The following F13A1 variants were observed in gnomAD, a reference collection of about 807,000 sequenced individuals.
The protein encoded by F13A1 is FSF, A subunit.
A neutral mutation model predicts 80.1 loss-of-function variants in F13A1; 47 were observed. The ratio of observed to expected loss-of-function variants is 0.59; its 90% confidence interval spans 0.46 to 0.75. The LOEUF (loss-of-function observed/expected upper bound fraction) is 0.75. F13A1 is among the 30% of genes least tolerant of loss of function. The pLI, the probability that F13A1 is intolerant of heterozygous loss-of-function variation, is 0.00. For missense variants in F13A1, 817 were observed against 930.4 expected (o/e 0.88, Z 1.59); for synonymous variants, 349 against 344.9 (o/e 1.01, Z -0.13).
At chr6:6,294,613 C>T (rs1003983547) in intron 3 of F13A1, among the ~76,000 whole-genome samples, 2 of 151,680 alleles carry the variant, frequency 1.3e-5, no homozygotes, top group African/African-American at 4.9e-5. Context: ...TAGGTCTGTC[C>T]CTCAAGAGAA....
chr6:6,247,815 A>C (rs1019531875), intron 6 of F13A1, among the ~76,000 whole-genome samples: 1 of 152,196 alleles, frequency 6.6e-6, no homozygotes, highest in African/African-American at 2.4e-5. Flanking sequence ...GCAAAGAATC[A>C]ATACCCACTT....
intron 3 of F13A1, among the ~76,000 whole-genome samples, chr6:6,302,687 T>C (rs1421307500): frequency 3.7e-5 from 5 of 136,972 alleles, no homozygotes; most frequent in Admixed American, 7.1e-5. Context: ...ACTATAAACT[T>C]AGGCTACAGT....
chr6:6,244,295 C>T (rs1001475873), intron 6 of F13A1, among the ~76,000 whole-genome samples: 11 of 152,202 alleles, frequency 7.2e-5, no homozygotes, highest in African/African-American at 2.7e-4. Context: ...AGCAATCAAG[C>T]AATGCAATTT....
At chr6:6,255,752 T>G (rs1210193968) in intron 4 of F13A1, among the ~76,000 whole-genome samples, 2 of 152,112 alleles carry the variant, frequency 1.3e-5, no homozygotes, top group Admixed American at 1.3e-4. Context: ...AAATCTCACC[T>G]CAAACAGGCA....
At chr6:6,218,340 C>T (rs1757133890) in intron 8 of F13A1, among the ~76,000 whole-genome samples, 1 of 152,214 alleles carries the variant, frequency 6.6e-6, no homozygotes, top group Admixed American at 6.5e-5. Context: ...TCCCTCCTCA[C>T]TGAGCCCTCG....
chr6:6,211,831 C>A (rs546987569), intron 8 of F13A1, among the ~76,000 whole-genome samples: 1 of 152,172 alleles, frequency 6.6e-6, no homozygotes, highest in Non-Finnish European at 1.5e-5. Context: ...GCACCATGCG[C>A]GAGCCAAAGC....
At chr6:6,235,644 G>C (rs576330254) in intron 6 of F13A1, among the ~76,000 whole-genome samples, 1 of 151,982 alleles carries the variant, frequency 6.6e-6, no homozygotes, top group Non-Finnish European at 1.5e-5. Flanking sequence ...TGAAGTGTCC[G>C]GGAGGATATG....
intron 8 of F13A1, among the ~76,000 whole-genome samples, chr6:6,198,066 GC>G (rs1455431384): frequency 1.3e-5 from 2 of 152,126 alleles, no homozygotes; most frequent in Admixed American, 1.3e-4. Flanking sequence ...TAGCAATTAA[GC>G]AAAAAATACT....
intron 4 of F13A1, among the ~76,000 whole-genome samples, chr6:6,251,914 G>A (rs527609968): frequency 2.9e-4 from 44 of 152,096 alleles, no homozygotes; most frequent in Non-Finnish European, 5.3e-4. Flanking sequence ...TCTTCTGCCA[G>A]GATGAATGTC....
intron 3 of F13A1, 79 bp downstream of exon 3, chr6:6,305,272 C>G (rs776164904): frequency 6.7e-7 from 1 of 1,503,432 alleles, no homozygotes; most frequent in Admixed American, 1.7e-5. Flanking sequence ...ACTAGGAAAT[C>G]ACACAACTGT....
intron 13 of F13A1, among the ~76,000 whole-genome samples, chr6:6,163,335 TA>T (rs1390057175): frequency 6.6e-6 from 1 of 152,236 alleles, no homozygotes; most frequent in Non-Finnish European, 1.5e-5. Flanking sequence ...TCCTCATTTT[TA>T]AAAAACCTTT....
chr6:6,148,758 T>C (rs1312140368), intron 14 of F13A1, among the ~76,000 whole-genome samples: 1 of 152,210 alleles, frequency 6.6e-6, no homozygotes, highest in Non-Finnish European at 1.5e-5. Context: ...ACAAATGTTT[T>C]CTATGTCATG....
At chr6:6,263,990 A>G (rs904326817) in intron 4 of F13A1, among the ~76,000 whole-genome samples, 1 of 152,130 alleles carries the variant, frequency 6.6e-6, no homozygotes, top group East Asian at 1.9e-4. Context: ...AATCCTTTCC[A>G]TGAACTGAAA....
intron 6 of F13A1, among the ~76,000 whole-genome samples, chr6:6,241,474 G>C (rs192333884): frequency 6.6e-6 from 1 of 152,020 alleles, no homozygotes; most frequent in East Asian, 1.9e-4. Flanking sequence ...GGGGTAACAA[G>C]GTATTATTAC....
At chr6:6,291,786 G>C (rs933105195) in intron 3 of F13A1, among the ~76,000 whole-genome samples, 7 of 152,162 alleles carry the variant, frequency 4.6e-5, no homozygotes, top group Non-Finnish European at 8.8e-5. Flanking sequence ...TCAGTCCACT[G>C]CTGACTTGAT....
chr6:6,167,362 T>G lies in F13A1; in HGVS notation c.1908+96A>C, dbSNP rs1760693933. 2.1e-5 allele frequency: 23 copies of G among 1,114,514 alleles called. No individual in the cohort carries two copies. In the South Asian group the frequency reaches 3.3e-4, roughly 16 times the overall value. The allele number at this position is 1,114,514 out of a possible 1,614,324, so 69.0% of individuals were successfully genotyped here. ...TTTTTTTTTTGAGCAGGACATTCAT[T>G]CACACACACACACACATACAAGCAC... is the stretch of plus-strand genomic sequence containing the variant. On this transcript the variant is annotated intron_variant, in intron 13 of 14. Coordinates refer to ENST00000264870, the MANE Select transcript of F13A1 (RefSeq NM_000129.4).
At chr6:6,156,780 T>A (rs912909490) in intron 13 of F13A1, among the ~76,000 whole-genome samples, 5 of 152,218 alleles carry the variant, frequency 3.3e-5, no homozygotes, top group Admixed American at 2.0e-4. Flanking sequence ...ATAATTAAAT[T>A]AATTAAAATT....
intron 11 of F13A1, among the ~76,000 whole-genome samples, chr6:6,180,325 C>T (rs1295587048): frequency 6.6e-6 from 1 of 152,240 alleles, no homozygotes; most frequent in East Asian, 1.9e-4. Flanking sequence ...AGCACCCGTC[C>T]ACCCTGTGCC....
At chr6:6,237,042 C>G (rs984683609) in intron 6 of F13A1, among the ~76,000 whole-genome samples, 1 of 152,056 alleles carries the variant, frequency 6.6e-6, no homozygotes, top group Non-Finnish European at 1.5e-5. Flanking sequence ...TGGGGTGGGG[C>G]AGGTGAGAAT....
Sources: gnomAD v4.1 joint callset for allele counts (sites outside exome capture counted in the v4.1 genomes callset) on GRCh38, gnomAD v4.1.1 for gene constraint, MANE v1.5 for transcripts, NCBI Gene and HGNC (gene_info 2026-07-23, HGNC 2026-07-21) for gene names.